Variants in B4GALT6 observed in about 807,000 individuals in gnomAD.
The protein encoded by B4GALT6 is UDP-Gal:beta-GlcNAc beta-1,4-galactosyltransferase 6.
Under a neutral mutation model 46.3 loss-of-function variants are expected in B4GALT6, and 14 were observed. The ratio of observed to expected loss-of-function variants is 0.30; its 90% CI spans 0.20 to 0.47. The LOEUF (loss-of-function observed/expected upper bound fraction) is 0.47, where lower values mean the gene tolerates loss of function less well. B4GALT6 is among the 20% of genes least tolerant of loss of function. B4GALT6 has a pLI of 0.99. For synonymous variants in B4GALT6, 168 were observed against 162.0 expected, an observed-to-expected ratio of 1.04 and a Z score of -0.28; for missense variants, 386 against 480.1, an observed-to-expected ratio of 0.80 and a Z score of 1.83.
Position 31,645,455 on chromosome 18 carries a change from C to T in B4GALT6, c.371G>A (p.Ser124Asn), listed in dbSNP as rs1279471360. The T allele has an allele frequency of 1.2e-6, 2 of 1,612,200 alleles. No individual in the cohort carries two copies. Among genetic ancestry groups the T allele is most frequent in the Non-Finnish European group, 8.5e-7 (1 of 1,179,568 alleles). Reference protein sequence around the residue: ...YMRGFLNVNVSEVSFDEIHQL... With the variant: ...YMRGFLNVNVNEVSFDEIHQL... ...ATGAATTTCATCAAAACTGACTTCGCTTACATTGACATTGAGGAATCCTCC... is the reference window on the plus strand; with the variant it reads ...ATGAATTTCATCAAAACTGACTTCGTTTACATTGACATTGAGGAATCCTCC... Residue 124 changes from serine (S) to asparagine (N), a missense_variant, in exon 4 of 9, where the codon AGC becomes AAC. This residue lies in a region of B4GALT6 where 323 missense variants were observed against 438.9 expected (regional missense o/e 0.74). Transcript: ENST00000306851.
At chr18:31,626,902 C>A in intron 7 of B4GALT6, 97 bp downstream of exon 7, 3 of 1,068,934 alleles carry the variant, frequency 2.8e-6, no homozygotes, top group Admixed American at 2.6e-5. Flanking sequence ...TATCCCATCC[C>A]AAAGAATGTT....
chr18:31,676,844 G>T (rs772915442), intron 1 of B4GALT6, among the ~76,000 whole-genome samples: 2 of 152,068 alleles, frequency 1.3e-5, no homozygotes, highest in Non-Finnish European at 2.9e-5. Context: ...CATAAGACCT[G>T]GGAAATAAGC....
At chr18:31,697,415 T>G in the B4GALT6 span, among the ~76,000 whole-genome samples, 1 of 130,576 alleles carries the variant, frequency 7.7e-6, no homozygotes. Flanking sequence ...AGGGAGGGGG[T>G]TGAGGTACAG....
chr18:31,698,714 G>A, the B4GALT6 span, among the ~76,000 whole-genome samples: 10 of 151,706 alleles, frequency 6.6e-5, no homozygotes, highest in Admixed American at 5.3e-4. Flanking sequence ...AGTATACTCA[G>A]TAAATAGCAG....
chr18:31,702,016 G>GA, the B4GALT6 span, among the ~76,000 whole-genome samples: 1 of 151,780 alleles, frequency 6.6e-6, no homozygotes, highest in African/African-American at 2.4e-5. Flanking sequence ...ACTTACATAA[G>GA]AGAAATAGGG....
At chr18:31,663,569 A>G (rs1444474638) in intron 2 of B4GALT6, among the ~76,000 whole-genome samples, 1 of 152,192 alleles carries the variant, frequency 6.6e-6, no homozygotes, top group Non-Finnish European at 1.5e-5. Context: ...CCCCTTTTGG[A>G]AATCAAATGT....
chr18:31,717,639 G>A, the B4GALT6 span, among the ~76,000 whole-genome samples: 35 of 152,142 alleles, frequency 2.3e-4, no homozygotes, highest in African/African-American at 8.2e-4. Context: ...AAAACAGAAT[G>A]GAGAATACCA....
chr18:31,711,593 C>A, the B4GALT6 span, among the ~76,000 whole-genome samples: 1 of 152,202 alleles, frequency 6.6e-6, no homozygotes, highest in Non-Finnish European at 1.5e-5. Context: ...AGAGGTTGCA[C>A]AGAAATTGCA....
chr18:31,631,281 T>G (rs1598868397), intron 5 of B4GALT6, 135 bp from the exon 6 acceptor site: 2 of 905,070 alleles, frequency 2.2e-6, no homozygotes, highest in East Asian at 2.9e-5. Context: ...CTCGAACTAC[T>G]GACCTCGTGA....
intron 3 of B4GALT6, among the ~76,000 whole-genome samples, chr18:31,646,709 CTT>C (rs2073994952): frequency 6.6e-6 from 1 of 152,222 alleles, no homozygotes; most frequent in African/African-American, 2.4e-5. Flanking sequence ...TAGAGAGCCT[CTT>C]TGCTCCTGCT....
intron 1 of B4GALT6, among the ~76,000 whole-genome samples, chr18:31,680,624 G>A (rs1418279897): frequency 6.6e-6 from 1 of 152,190 alleles, no homozygotes; most frequent in Non-Finnish European, 1.5e-5. Context: ...GAGTCAAATG[G>A]ACAGTGAAAT....
chr18:31,637,888 G>A (rs1014289728), intron 5 of B4GALT6, among the ~76,000 whole-genome samples: 2 of 152,194 alleles, frequency 1.3e-5, no homozygotes, highest in African/African-American at 4.8e-5. Flanking sequence ...GTCTGTACAT[G>A]AGTCTAAATG....
chr18:31,658,252 G>T, intron 2 of B4GALT6, 163 bp from the exon 3 acceptor site: 1 of 555,306 alleles, frequency 1.8e-6, no homozygotes, highest in Non-Finnish European at 3.2e-6. Flanking sequence ...AAACTGCTGC[G>T]GGGAACAGAC....
rs746887661 is a variant in B4GALT6, at chr18:31,631,108, A to T, written c.627T>A (p.Asn209Lys). The T allele has an allele frequency of 6.2e-7, 1 of 1,613,998 alleles. No homozygotes were observed. The highest frequency in any genetic ancestry group is 2.2e-5 in the East Asian group (1 of 44,872). ...TQPFNRAMLF[N>K]VGFKEAMKDS... is the part of the protein sequence containing the mutation. ...CTTTCATGGCCTCTTTGAAGCCCAC[A>T]TTGAAAAGCATCGCACGGTTAAAAG... The change falls in exon 6 of 9, where the codon AAT becomes AAA. Residue 209 changes from asparagine (N) to lysine (K), a missense_variant. Asn to Lys is a moderately conservative substitution (Grantham distance 94, BLOSUM62 0). Around this residue, in one of 2 missense-constraint regions of B4GALT6, gnomAD observed 323 missense variants for 438.9 expected, o/e 0.74. Transcript: ENST00000306851.
In B4GALT6 at chr18:31,625,558, C is replaced by T. The variant is rs773965451; in HGVS notation, c.*56G>A. ...CAATCACTGACCTCCACTAAGAGCGCGCTCCAAGTTTATGATCCAGCATTG... is the reference window on the plus strand; with the variant it reads ...CAATCACTGACCTCCACTAAGAGCGTGCTCCAAGTTTATGATCCAGCATTG... On this transcript the variant is annotated 3_prime_UTR_variant, in exon 9 of 9. Coordinates refer to ENST00000306851, the MANE Select transcript of B4GALT6 (RefSeq NM_004775.5). 20 of 1,597,202 alleles carry T rather than the reference C, an allele frequency of 1.3e-5. No homozygotes were observed. The highest frequency in any genetic ancestry group is 4.5e-5 in the East Asian group (2 of 44,680).
chr18:31,712,344 C>T, the B4GALT6 span, among the ~76,000 whole-genome samples: 2 of 129,960 alleles, frequency 1.5e-5, no homozygotes, highest in African/African-American at 5.9e-5. Context: ...ACTCTGTCAC[C>T]CAGGCTGGAG....
In B4GALT6 at chr18:31,631,082, T is replaced by C. The variant is rs1312951113; in HGVS notation, c.653A>G (p.Asp218Gly). 2 of 1,614,216 alleles carry C rather than the reference T, an allele frequency of 1.2e-6. No individual in the cohort carries two copies. Among genetic ancestry groups the C allele is most frequent in the South Asian group, 1.1e-5 (1 of 91,088 alleles). ...GAAGATTACACAGTCCCAGACACTG[T>C]CTTTCATGGCCTCTTTGAAGCCCAC... ...FNVGFKEAMK[D>G]SVWDCVIFHD... Residue 218 changes from aspartate (D) to glycine (G), a missense_variant, in exon 6 of 9, where the codon GAC (aspartate) becomes GGC (glycine). Asp to Gly is a moderately conservative substitution (Grantham distance 94). Transcript: ENST00000306851.
intron 6 of B4GALT6, among the ~76,000 whole-genome samples, chr18:31,627,344 C>A (rs2073714100): frequency 4.6e-5 from 7 of 151,746 alleles, no homozygotes; most frequent in Admixed American, 4.6e-4. Flanking sequence ...CTTATGGAAA[C>A]CTAAATTTAA....
chr18:31,684,344 C>T lies in B4GALT6; in HGVS notation c.83G>A (p.Cys28Tyr), dbSNP rs2074516388. ...FIFFFSLSSS[C>Y]LYFIYVAPGI... ...TGGGGCCACATAGATGAAGTACAGA[C>T]AGGACGAAGAGAGGGAGAAGAAGAA... is the stretch of plus-strand genomic sequence containing the variant. Residue 28 changes from cysteine to tyrosine, a missense_variant, in exon 1 of 9, where the codon TGT (cysteine) becomes TAT (tyrosine). Around this residue, in one of 2 missense-constraint regions of B4GALT6, gnomAD observed 63 missense variants for 41.3 expected, o/e 1.53. Transcript: ENST00000306851. 1.2e-6 allele frequency: 2 copies of T among 1,613,718 alleles called. No homozygotes were observed. The highest frequency in any genetic ancestry group is 1.7e-6 in the Non-Finnish European group (2 of 1,179,894).
Sources: gnomAD v4.1 joint callset for allele counts (sites outside exome capture counted in the v4.1 genomes callset) on GRCh38, gnomAD v4.1.1 for gene constraint, gnomAD v4.1.1 regional missense constraint, MANE v1.5 for transcripts, NCBI Gene and HGNC (gene_info 2026-07-23, HGNC 2026-07-21) for gene names.